Variants in DET1 observed in about 807,000 individuals in gnomAD.
DET1 encodes the protein DET1 partner of COP1 E3 ubiquitin ligase, also known as DET1 homolog.
DET1 carries 22 observed loss-of-function variants against 43.7 expected under a neutral mutation model. That is an observed-to-expected ratio of 0.50 (90% CI 0.36 to 0.72). The LOEUF (loss-of-function observed/expected upper bound fraction) is 0.72. Among genes scored for constraint, DET1 ranks in the 30% least tolerant of loss-of-function variants. The pLI, the probability that DET1 is intolerant of heterozygous loss-of-function variation, is 0.00. For synonymous variants in DET1, 315 were observed against 266.2 expected (o/e 1.18, Z -1.79); for missense variants, 713 against 713.3 (o/e 1.00, Z 0.00).
chr15:88,546,050 G>A (rs1461812434), intron 1 of DET1, among the ~76,000 whole-genome samples: 14 of 151,600 alleles, frequency 9.2e-5, no homozygotes, highest in African/African-American at 2.9e-4. Context: ...CCTAACTTCT[G>A]TAAAATTGTT....
At chr15:88,526,442 T>G (rs2056664969) in intron 3 of DET1, among the ~76,000 whole-genome samples, 1 of 152,258 alleles carries the variant, frequency 6.6e-6, no homozygotes, top group South Asian at 2.1e-4. Context: ...TAATGCACTA[T>G]GGCAATTATC....
In DET1 at chr15:88,512,887, G is replaced by A; in HGVS notation, c.*64C>T. 1 of 1,577,882 alleles carries A rather than the reference G, an allele frequency of 6.3e-7. No homozygotes were observed. The highest frequency in any genetic ancestry group is 8.6e-7 in the Non-Finnish European group (1 of 1,158,192). ...AGTAGTCGGGAGCTTTTGCTTTGGA[G>A]TCCACTGAGATAAGTGAGTGGCAAA... On this transcript the variant is annotated 3_prime_UTR_variant, in exon 5 of 5. Coordinates refer to ENST00000268148, the MANE Select transcript of DET1 (RefSeq NM_001144074.3).
At chr15:88,530,520 C>T (rs201450042) in intron 2 of DET1, 103 bp downstream of exon 2, 39 of 1,495,796 alleles carry the variant, frequency 2.6e-5, no homozygotes, top group South Asian at 1.5e-4. Context: ...ATTCAGACTA[C>T]GTGAAATGTC....
chr15:88,511,166 C>G (rs894973103), downstream of DET1, among the ~76,000 whole-genome samples: 1 of 152,168 alleles, frequency 6.6e-6, no homozygotes, highest in East Asian at 1.9e-4. Flanking sequence ...TCCAGGGGCC[C>G]AGTGGCAGCA....
At chr15:88,506,692 C>T (rs1358263973) in intron 7 of DET1, among the ~76,000 whole-genome samples, 2 of 152,132 alleles carry the variant, frequency 1.3e-5, no homozygotes, top group Non-Finnish European at 2.9e-5. Flanking sequence ...AATGAAGCTA[C>T]CATTCTTTTA....
At chr15:88,514,660 T>C (rs2056292054) in intron 4 of DET1, among the ~76,000 whole-genome samples, 1 of 152,124 alleles carries the variant, frequency 6.6e-6, no homozygotes, top group Non-Finnish European at 1.5e-5. Context: ...ATAACGTTTA[T>C]AAAATAAAAA....
downstream of DET1, chr15:88,511,577 T>C (rs1394768557): frequency 8.1e-6 from 8 of 985,378 alleles, no homozygotes; most frequent in Admixed American, 6.1e-5. Context: ...TTCATCTGTC[T>C]CCACTGTCCC....
At chr15:88,505,757 A>T (rs1321545937) in intron 7 of DET1, 2 of 152,194 alleles carry the variant, frequency 1.3e-5, no homozygotes, top group Non-Finnish European at 2.9e-5. Flanking sequence ...TTCCTATATA[A>T]GGTGCTTGGC....
At chr15:88,543,049 T>G (rs576289454) in intron 1 of DET1, among the ~76,000 whole-genome samples, 1 of 152,352 alleles carries the variant, frequency 6.6e-6, no homozygotes, top group South Asian at 2.1e-4. Flanking sequence ...CCCATTGATT[T>G]GGACAGACAC....
intron 7 of DET1, chr15:88,505,169 T>C (rs1469511461): frequency 6.6e-6 from 1 of 152,220 alleles, no homozygotes; most frequent in Non-Finnish European, 1.5e-5. Context: ...ACAAATCGAT[T>C]CACATCTCAA....
chr15:88,516,090 G>A lies in DET1; in HGVS notation c.1463+692C>T, dbSNP rs1780608997. 6.6e-6 allele frequency among the ~76,000 whole-genome samples: 1 copy of A among 152,256 alleles called. No homozygotes were observed. Among genetic ancestry groups the A allele is most frequent in the East Asian group, 1.9e-4 (1 of 5,182 alleles). ...CTATCATAAAGATCTAACTACCACT[G>A]TTTCTGTGTGAAAAAGACCTTCCAA... On this transcript the variant is annotated intron_variant, in intron 4 of 4. Coordinates refer to ENST00000268148, the MANE Select transcript of DET1 (RefSeq NM_001144074.3). The surrounding 1 kb of genome is among the most constrained non-coding windows in gnomAD (Gnocchi z 4.4).
chr15:88,532,919 C>T (rs2056853296), intron 1 of DET1, among the ~76,000 whole-genome samples: 1 of 152,038 alleles, frequency 6.6e-6, no homozygotes, highest in Admixed American at 6.6e-5. Flanking sequence ...GCATAGGCGA[C>T]CAAGACAAAA....
In DET1 at chr15:88,516,170, C is replaced by A. The variant is rs1359171634; in HGVS notation, c.1463+612G>T. Among the ~76,000 whole-genome samples, 1 of 152,112 alleles carries A rather than the reference C, an allele frequency of 6.6e-6. No individual in the cohort carries two copies. The highest frequency in any genetic ancestry group is 2.4e-5 in the African/African-American group (1 of 41,414). On this transcript the variant is annotated intron_variant, in intron 4 of 4. Transcript: ENST00000268148. This position sits in a 1 kb window ranked among gnomAD's most constrained non-coding sequence, Gnocchi z 4.4. ...CCCCTTGAGATAACTCCACTAGTGA[C>A]AATAATTCCAGCTCCTCCCCCTAAT...
At chr15:88,534,372 C>A (rs547157459) in intron 1 of DET1, among the ~76,000 whole-genome samples, 4 of 152,252 alleles carry the variant, frequency 2.6e-5, no homozygotes, top group African/African-American at 9.6e-5. Flanking sequence ...ATGAGAAAAA[C>A]CAATTGGCTA....
chr15:88,535,258 G>A (rs994172804), intron 1 of DET1, among the ~76,000 whole-genome samples: 7 of 151,924 alleles, frequency 4.6e-5, no homozygotes, highest in African/African-American at 1.7e-4. Flanking sequence ...TGGGCTCAAG[G>A]GCAGAATGAA....
chr15:88,517,521 C>T (rs567411665), intron 3 of DET1, among the ~76,000 whole-genome samples: 40 of 152,166 alleles, frequency 2.6e-4, no homozygotes, highest in Admixed American at 7.2e-4. Context: ...CCACCACACC[C>T]GGCCCTACTT....
chr15:88,514,241 G>A (rs1214261071), intron 4 of DET1, among the ~76,000 whole-genome samples: 4 of 151,722 alleles, frequency 2.6e-5, no homozygotes, highest in Non-Finnish European at 4.4e-5. Context: ...CAAAATAAAT[G>A]TCCTGTGGTT....
rs144692156 is a variant in DET1, at chr15:88,540,056, C to T, written c.-11+6484G>A. ...TGACCTGAGTGGTCCCTTTCCCCCT[C>T]GTCCCTGCCCCCTACTCTGCACATT... On this transcript the variant is annotated intron_variant, in intron 1 of 4. Coordinates refer to ENST00000268148, the MANE Select transcript of DET1 (RefSeq NM_001144074.3). 3.2e-4 allele frequency among the ~76,000 whole-genome samples: 49 copies of T among 152,202 alleles called. No homozygotes were observed. In the East Asian group the frequency reaches 6.6e-3, roughly 20 times the overall value.
At chr15:88,505,968 G>A (rs575236083) in intron 7 of DET1, among the ~76,000 whole-genome samples, 2 of 152,230 alleles carry the variant, frequency 1.3e-5, no homozygotes, top group African/African-American at 2.4e-5. Context: ...AACTGACATG[G>A]GTGGGCAGGG....
Sources: allele counts gnomAD v4.1 joint callset (sites outside exome capture counted in the v4.1 genomes callset), GRCh38; gene constraint gnomAD v4.1.1; non-coding constraint Gnocchi (gnomAD v3.1); transcripts MANE v1.5; gene names NCBI Gene and HGNC (gene_info 2026-07-23, HGNC 2026-07-21).